TRIO: variants seen among roughly 807,000 people sequenced by gnomAD.
TRIO encodes the protein trio Rho guanine nucleotide exchange factor.
A neutral mutation model predicts 351.9 loss-of-function variants in TRIO; 58 were observed. The ratio of observed to expected loss-of-function variants is 0.16; its 90% CI spans 0.13 to 0.21. The LOEUF is 0.21. Among genes scored for constraint, TRIO ranks in the 10% least tolerant of loss-of-function variants. The pLI, the probability that TRIO is intolerant of heterozygous loss-of-function variation, is 1.00. For missense variants in TRIO, 3,201 were observed against 4,027.8 expected (o/e 0.79, Z 5.56); for synonymous variants, 1,758 against 1,595.7 (o/e 1.10, Z -2.42).
intron 11 of TRIO, among the ~76,000 whole-genome samples, chr5:14,350,094 A>G (rs1742919463): frequency 6.6e-6 from 1 of 152,030 alleles, no homozygotes; most frequent in Admixed American, 6.6e-5. Context: ...CTGAAAGGGG[A>G]GAGTGTTGGG....
rs756688384 is a variant in TRIO at position 14,487,881 on chromosome 5, C to T, written c.7253C>T (p.Pro2418Leu). 1.9e-6 allele frequency: 3 copies of T among 1,540,844 alleles called. No individual in the cohort carries two copies. The highest frequency in any genetic ancestry group is 1.7e-6 in the Non-Finnish European group (2 of 1,143,330). ...CCCAAGATGAAGGTGCTGGAGAGCC[C>T]CAGGAAAGGCGCCGCGAACGCCTCG... ...PIPKMKVLES[P>L]RKGAANASGS... The change falls in exon 48 of 57, where the codon CCC becomes CTC. Residue 2418 changes from proline to leucine, a missense_variant. By Grantham distance (98) the Pro-to-Leu change is moderately conservative (BLOSUM62 -3). This residue lies in a region of TRIO where 1,089 missense variants were observed against 954.9 expected (regional missense o/e 1.14). Coordinates refer to ENST00000344204, the MANE Select transcript of TRIO (RefSeq NM_007118.4).
rs76792495 is a variant in TRIO at position 14,274,067 on chromosome 5, C to T, written c.232+3168C>T. ...CTTAAATGTAAATGTTATAAAAAAC[C>T]GCTGCAATACCAATGACAGACCTAA... is the stretch of plus-strand genomic sequence containing the variant. On this transcript the variant is annotated intron_variant, in intron 2 of 56. Transcript: ENST00000344204. 5.0e-3 allele frequency among the ~76,000 whole-genome samples: 753 copies of T among 151,806 alleles called. 6 individuals are homozygous for T. The highest frequency in any genetic ancestry group is 0.016 in the African/African-American group (669 of 41,382).
intron 43 of TRIO, among the ~76,000 whole-genome samples, chr5:14,480,258 G>A (rs1167287688): frequency 6.6e-6 from 1 of 152,130 alleles, no homozygotes; most frequent in Non-Finnish European, 1.5e-5. Context: ...GAAGGATTTG[G>A]TAGGACGGGA....
chr5:14,181,595 C>T (rs189158519), intron 1 of TRIO, among the ~76,000 whole-genome samples: 277 of 152,318 alleles, frequency 1.8e-3, no homozygotes, highest in Non-Finnish European at 3.3e-3. Context: ...CACGTGGGAC[C>T]ACTCACACAG....
rs2152209711 is a variant in TRIO at position 14,222,006 on chromosome 5, T to A, written c.158-48819T>A. Among the ~76,000 whole-genome samples, 4 of 151,984 alleles carry A rather than the reference T, an allele frequency of 2.6e-5. No homozygotes were observed. In the South Asian group the frequency reaches 8.4e-4, roughly 32 times the overall value. ...TGCATCACTGTCTTATTTTAAGAAA[T>A]TGCCGCAGCCACCCCAGCCTTCAAG... On this transcript the variant is annotated intron_variant, in intron 1 of 56. Coordinates refer to ENST00000344204, the MANE Select transcript of TRIO (RefSeq NM_007118.4).
chr5:14,327,982 A>G (rs1740542876), intron 9 of TRIO, among the ~76,000 whole-genome samples: 1 of 152,278 alleles, frequency 6.6e-6, no homozygotes, highest in Admixed American at 6.5e-5. Flanking sequence ...GAATGTAGCA[A>G]TACCTTATAG....
At chr5:14,266,824 T>G (rs577777996) in intron 1 of TRIO, among the ~76,000 whole-genome samples, 59 of 152,340 alleles carry the variant, frequency 3.9e-4, no homozygotes, top group Admixed American at 9.1e-4. Flanking sequence ...CAAATATTAG[T>G]GTAAACATTC....
intron 1 of TRIO, among the ~76,000 whole-genome samples, chr5:14,167,209 A>G (rs1443686068): frequency 6.6e-6 from 1 of 151,394 alleles, no homozygotes; most frequent in Non-Finnish European, 1.5e-5. Context: ...TTTCCTAATG[A>G]TTAGGCTGTG....
At chr5:14,168,246 G>A (rs913130299) in intron 1 of TRIO, among the ~76,000 whole-genome samples, 2 of 152,196 alleles carry the variant, frequency 1.3e-5, no homozygotes, top group Non-Finnish European at 2.9e-5. Context: ...CTTATCATCC[G>A]TGAGAACTGG....
At chr5:14,371,167 A>G (rs2152345713) in intron 18 of TRIO, among the ~76,000 whole-genome samples, 1 of 152,350 alleles carries the variant, frequency 6.6e-6, no homozygotes, top group Non-Finnish European at 1.5e-5. Context: ...CTTTTAAGGT[A>G]ACTAGGCTAA....
Position 14,343,000 on chromosome 5 carries a change from A to G in TRIO, c.2046+6273A>G, listed in dbSNP as rs183973153. The stretch of plus-strand genomic sequence containing the variant: ...CTTAGGTTGAGGACCATTTGTTTGT[A>G]CCTCCAAAGATGTCATATCTTTAAA... On this transcript the variant is annotated intron_variant, in intron 11 of 56. Coordinates refer to ENST00000344204, the MANE Select transcript of TRIO (RefSeq NM_007118.4). Among the ~76,000 whole-genome samples the G allele has an allele frequency of 4.6e-5, 7 of 151,446 alleles. No homozygotes were observed. The East Asian group carries it at 1.4e-3, about 29-fold the overall frequency.
intron 56 of TRIO, 69 bp downstream of exon 56, chr5:14,507,329 C>G (rs1443581309): frequency 3.2e-6 from 5 of 1,585,842 alleles, no homozygotes; most frequent in Non-Finnish European, 4.3e-6. Context: ...GACACAGAGC[C>G]CCCTCTGAAG....
At chr5:14,231,049 A>G (rs1793394451) in intron 1 of TRIO, among the ~76,000 whole-genome samples, 1 of 152,234 alleles carries the variant, frequency 6.6e-6, no homozygotes, top group Non-Finnish European at 1.5e-5. Flanking sequence ...AATGGTAGAC[A>G]TTACAAAGAC....
intron 1 of TRIO, among the ~76,000 whole-genome samples, chr5:14,153,755 G>A (rs1327363246): frequency 1.3e-5 from 2 of 152,102 alleles, no homozygotes; most frequent in African/African-American, 4.8e-5. Flanking sequence ...CCCCCTCCAT[G>A]CCCCTTCCCT....
chr5:14,323,869 T>C (rs182524937), intron 9 of TRIO, among the ~76,000 whole-genome samples: 215 of 152,356 alleles, frequency 1.4e-3, no homozygotes, highest in Middle Eastern at 3.4e-3. Flanking sequence ...TAGCATAATA[T>C]TGACTATCCT....
At chr5:14,274,394 G>T (rs1482397475) in intron 2 of TRIO, among the ~76,000 whole-genome samples, 2 of 152,148 alleles carry the variant, frequency 1.3e-5, no homozygotes, top group African/African-American at 4.8e-5. Context: ...CTTTGATCTG[G>T]CAGGGAAGGT....
intron 1 of TRIO, among the ~76,000 whole-genome samples, chr5:14,189,243 T>C (rs570624633): frequency 6.6e-6 from 1 of 152,372 alleles, no homozygotes; most frequent in South Asian, 2.1e-4. Flanking sequence ...GACTGTCCTG[T>C]ACTTGGAGCA....
intron 6 of TRIO, among the ~76,000 whole-genome samples, chr5:14,293,648 C>T (rs1737095078): frequency 6.6e-6 from 1 of 152,178 alleles, no homozygotes; most frequent in Non-Finnish European, 1.5e-5. Flanking sequence ...CCCTGGCCCT[C>T]TTTAAGGTTG....
intron 34 of TRIO, among the ~76,000 whole-genome samples, chr5:14,442,248 C>T (rs1286792693): frequency 2.6e-5 from 4 of 152,186 alleles, no homozygotes; most frequent in African/African-American, 7.2e-5. Flanking sequence ...CCGTTATCCG[C>T]GTATATGCTT....
Sources: allele counts gnomAD v4.1 joint callset (sites outside exome capture counted in the v4.1 genomes callset), GRCh38; gene constraint gnomAD v4.1.1; regional missense constraint gnomAD v4.1.1; transcripts MANE v1.5; gene names NCBI Gene and HGNC (gene_info 2026-07-23, HGNC 2026-07-21).